The following PTPRG variants were observed in gnomAD, a reference collection of about 807,000 sequenced individuals.
PTPRG encodes the protein receptor-type tyrosine-protein phosphatase gamma.
A neutral mutation model predicts 165.3 loss-of-function variants in PTPRG; 102 were observed. The observed-to-expected ratio is 0.62, with a 90% CI of 0.53 to 0.73. The LOEUF (loss-of-function observed/expected upper bound fraction) is 0.73. Ranked by LOEUF, PTPRG falls within the 30% of genes least tolerant of loss-of-function variation. The pLI is 0.00. For missense variants in PTPRG, 1,866 were observed against 1,861.4 expected (o/e 1.00, Z -0.05); for synonymous variants, 675 against 669.5 (o/e 1.01, Z -0.13).
intron 13 of PTPRG, among the ~76,000 whole-genome samples, 154 bp from the exon 14 acceptor site, chr3:62,231,071 A>G (rs1700890685): frequency 6.6e-6 from 1 of 152,202 alleles, no homozygotes; most frequent in Non-Finnish European, 1.5e-5. Context: ...TCCTTTGTGC[A>G]TAAGCATCCT....
chr3:62,090,741 A>T (rs1005485429), intron 5 of PTPRG, among the ~76,000 whole-genome samples: 4 of 152,176 alleles, frequency 2.6e-5, no homozygotes, highest in South Asian at 2.1e-4. Flanking sequence ...TATGTGCGTT[A>T]TCCCATTTCA....
intron 2 of PTPRG, among the ~76,000 whole-genome samples, chr3:61,941,785 A>G (rs948459221): frequency 1.1e-4 from 16 of 152,178 alleles, no homozygotes; most frequent in African/African-American, 2.9e-4. Context: ...CTCACACTCT[A>G]TTGGCTTATG....
intron 4 of PTPRG, among the ~76,000 whole-genome samples, chr3:62,029,413 C>G (rs1699689941): frequency 6.6e-6 from 1 of 152,124 alleles, no homozygotes; most frequent in East Asian, 1.9e-4. Flanking sequence ...CAAAAGGTGA[C>G]CAGAGGTATC....
intron 2 of PTPRG, among the ~76,000 whole-genome samples, chr3:61,965,168 C>T (rs11914781): frequency 9.0e-4 from 136 of 150,848 alleles, no homozygotes; most frequent in African/African-American, 2.9e-3. Flanking sequence ...TGCTTGAACC[C>T]GGGAGACGGA....
At chr3:61,989,588 G>T in intron 2 of PTPRG, 37 bp from the exon 3 acceptor site, 1 of 1,596,430 alleles carries the variant, frequency 6.3e-7, no homozygotes, top group South Asian at 1.1e-5. Flanking sequence ...CCTGACCCTT[G>T]AACCATGAGG....
intron 1 of PTPRG, among the ~76,000 whole-genome samples, chr3:61,579,212 G>C (rs191540342): frequency 6.6e-6 from 1 of 152,196 alleles, no homozygotes; most frequent in Non-Finnish European, 1.5e-5. Flanking sequence ...CTCTTGCTAC[G>C]TTATCAAGGC....
At chr3:62,001,287 A>G (rs1278855085) in intron 3 of PTPRG, among the ~76,000 whole-genome samples, 1 of 152,258 alleles carries the variant, frequency 6.6e-6, no homozygotes, top group Non-Finnish European at 1.5e-5. Flanking sequence ...CAGATTGTAC[A>G]GTTCCCTAAT....
chr3:62,192,918 C>T (rs902764161), intron 9 of PTPRG, among the ~76,000 whole-genome samples: 1 of 152,170 alleles, frequency 6.6e-6, no homozygotes, highest in Admixed American at 6.5e-5. Flanking sequence ...CGGGCCCATT[C>T]AATCAGTTAT....
chr3:61,630,129 T>C (rs1031888524), intron 1 of PTPRG, among the ~76,000 whole-genome samples: 6 of 152,206 alleles, frequency 3.9e-5, no homozygotes, highest in Non-Finnish European at 5.9e-5. Flanking sequence ...GTTGATTGGA[T>C]GTGTGCTTTA....
At chr3:61,859,313 A>G (rs1383647323) in intron 2 of PTPRG, among the ~76,000 whole-genome samples, 2 of 152,184 alleles carry the variant, frequency 1.3e-5, no homozygotes, top group Admixed American at 6.5e-5. Flanking sequence ...AATGATGGGA[A>G]TTAGGACATT....
chr3:61,736,757 C>T (rs1255884108), intron 1 of PTPRG, among the ~76,000 whole-genome samples: 1 of 152,154 alleles, frequency 6.6e-6, no homozygotes, highest in Non-Finnish European at 1.5e-5. Flanking sequence ...CTGCTCTTGC[C>T]CGCCTCCCTC....
At chr3:61,927,867 CATT>C (rs1161604210) in intron 2 of PTPRG, among the ~76,000 whole-genome samples, 2 of 152,012 alleles carry the variant, frequency 1.3e-5, no homozygotes, top group African/African-American at 2.4e-5. Flanking sequence ...AAGATTTCAT[CATT>C]GTTTGATTGG....
chr3:62,119,453 C>CTA (rs1204504266), intron 5 of PTPRG, among the ~76,000 whole-genome samples: 3 of 152,174 alleles, frequency 2.0e-5, no homozygotes, highest in Admixed American at 6.5e-5. Context: ...GGGCAAAGGC[C>CTA]TAGAGGCAGT....
chr3:62,287,092 A>ATGGAG (rs1248299797), intron 28 of PTPRG, among the ~76,000 whole-genome samples: 7 of 152,166 alleles, frequency 4.6e-5, no homozygotes, highest in Non-Finnish European at 8.8e-5. Context: ...ATAATCTCAC[A>ATGGAG]TGGAGTGCAT....
chr3:62,182,241 T>C (rs1026119221), intron 8 of PTPRG, among the ~76,000 whole-genome samples: 2 of 152,194 alleles, frequency 1.3e-5, no homozygotes, highest in Non-Finnish European at 2.9e-5. Flanking sequence ...AATTGACCCA[T>C]GCAGTTCGAA....
intron 2 of PTPRG, among the ~76,000 whole-genome samples, chr3:61,864,236 A>C (rs1319505258): frequency 6.6e-6 from 1 of 152,184 alleles, no homozygotes; most frequent in Non-Finnish European, 1.5e-5. Flanking sequence ...TCCCTGCTGT[A>C]TAAGTAGAAC....
At position 61,915,160 on chromosome 3, in the gene PTPRG, C is replaced by T. The variant is rs966009814; in HGVS notation, c.191-74465C>T. 5.9e-5 allele frequency among the ~76,000 whole-genome samples: 9 copies of T among 152,196 alleles called. No homozygotes were observed. The East Asian group carries it at 9.7e-4, about 16-fold the overall frequency. ...AGGAGAATCGCTTGAACCCAGGTGG[C>T]GGAGGTTGCAGTAGGCTGAGATCAA... is the stretch of plus-strand genomic sequence containing the variant. On this transcript the variant is annotated intron_variant, in intron 2 of 29. Transcript: ENST00000474889.
intron 2 of PTPRG, among the ~76,000 whole-genome samples, chr3:61,801,847 G>A (rs1484408135): frequency 2.0e-5 from 3 of 151,958 alleles, no homozygotes; most frequent in Non-Finnish European, 4.4e-5. Flanking sequence ...GTGAAACTCC[G>A]GCTCTACTAA....
At chr3:61,740,622 G>A (rs190881090) in intron 1 of PTPRG, among the ~76,000 whole-genome samples, 11 of 151,750 alleles carry the variant, frequency 7.2e-5, no homozygotes, top group Non-Finnish European at 1.5e-4. Context: ...TTTGTTCTCT[G>A]CCTGGCTTAT....
Sources: allele counts gnomAD v4.1 joint callset (sites outside exome capture counted in the v4.1 genomes callset), GRCh38; gene constraint gnomAD v4.1.1; transcripts MANE v1.5; gene names NCBI Gene and HGNC (gene_info 2026-07-23, HGNC 2026-07-21).